AGAP1: variants seen among roughly 807,000 people sequenced by gnomAD.
AGAP1 encodes arf-GAP with GTPase, ANK repeat and PH domain-containing protein 1.
AGAP1 carries 29 observed loss-of-function variants against 105.3 expected under a neutral mutation model. The ratio of observed to expected loss-of-function variants is 0.28; its 90% CI spans 0.21 to 0.38. The LOEUF (loss-of-function observed/expected upper bound fraction) is 0.38. Among genes scored for constraint, AGAP1 ranks in the 10% least tolerant of loss-of-function variants. AGAP1 has a pLI of 1.00. For synonymous variants in AGAP1, 509 were observed against 485.9 expected (o/e 1.05, Z -0.63); for missense variants, 998 against 1,165.1 (o/e 0.86, Z 2.09).
intron 1 of AGAP1, among the ~76,000 whole-genome samples, chr2:235,656,547 A>G (rs1947778434): frequency 6.6e-6 from 1 of 152,130 alleles, no homozygotes; most frequent in South Asian, 2.1e-4. Flanking sequence ...TCCACCCTGC[A>G]TAACCATTTT....
rs937818944 is a variant in AGAP1, at chr2:236,001,044, A to T, written c.1645+32421A>T. Among the ~76,000 whole-genome samples the T allele has an allele frequency of 6.6e-6, 1 of 152,186 alleles. No individual in the cohort carries two copies. The highest frequency in any genetic ancestry group is 2.4e-5 in the African/African-American group (1 of 41,458). On this transcript the variant is annotated intron_variant, in intron 13 of 17. Transcript: ENST00000304032. The surrounding 1 kb of genome is among the most constrained non-coding windows in gnomAD (Gnocchi z 4.7). ...CCACTACCTCAGAATGTGGCCTCAT[A>T]TGGAACTAGGGTCATGGCAGATGTC...
intron 1 of AGAP1, among the ~76,000 whole-genome samples, chr2:235,651,198 A>G (rs1947577855): frequency 1.3e-5 from 1 of 77,006 alleles, no homozygotes; most frequent in Non-Finnish European, 2.6e-5. Context: ...AAAAAAAAAA[A>G]AAAAAAAAAA....
At chr2:236,066,780 A>C (rs2058357308) in intron 16 of AGAP1, among the ~76,000 whole-genome samples, 1 of 152,192 alleles carries the variant, frequency 6.6e-6, no homozygotes, top group South Asian at 2.1e-4. Context: ...CTATCACCCC[A>C]GGAACTTCCC....
intron 1 of AGAP1, among the ~76,000 whole-genome samples, chr2:235,668,330 T>G (rs926244016): frequency 1.3e-5 from 2 of 152,202 alleles, no homozygotes; most frequent in African/African-American, 4.8e-5. Context: ...CCCAATTCAG[T>G]TTTATGCCAC....
At chr2:235,839,797 C>G (rs376373851) in intron 9 of AGAP1, among the ~76,000 whole-genome samples, 72 of 152,132 alleles carry the variant, frequency 4.7e-4, no homozygotes, top group African/African-American at 1.7e-3. Flanking sequence ...GAGTACTTGC[C>G]TTTTCATACA....
chr2:235,878,390 C>T (rs925092132), intron 9 of AGAP1, among the ~76,000 whole-genome samples: 3 of 152,176 alleles, frequency 2.0e-5, no homozygotes, highest in Non-Finnish European at 2.9e-5. Context: ...TCCAGCCCTG[C>T]AGGGTCGCTG....
In AGAP1 at chr2:236,056,643, C is replaced by T. The variant is rs1392657581; in HGVS notation, c.2114+7362C>T. ...TTTCCAAAGGGCCCTGTCTTTCAGT[C>T]GTGTTTTGCTTATTTTGCACCAGAG... On this transcript the variant is annotated intron_variant, in intron 16 of 17. Transcript: ENST00000304032. The surrounding 1 kb of genome is among the most constrained non-coding windows in gnomAD (Gnocchi z 4.6). Among the ~76,000 whole-genome samples the T allele has an allele frequency of 3.9e-5, 6 of 152,172 alleles. No individual in the cohort carries two copies. Among genetic ancestry groups the T allele is most frequent in the Non-Finnish European group, 7.3e-5 (5 of 68,032 alleles).
At chr2:235,819,444 T>C (rs1167103700) in intron 9 of AGAP1, among the ~76,000 whole-genome samples, 2 of 152,126 alleles carry the variant, frequency 1.3e-5, no homozygotes, top group African/African-American at 4.8e-5. Flanking sequence ...TCTCAAGTGA[T>C]GCTGATGCTG....
In AGAP1 at chr2:235,621,214, G is replaced by GA. The variant is rs1298516591; in HGVS notation, c.164-87964dup. On this transcript the variant is annotated intron_variant, in intron 1 of 17. Coordinates refer to ENST00000304032, the MANE Select transcript of AGAP1 (RefSeq NM_001037131.3). This position sits in a 1 kb window ranked among gnomAD's most constrained non-coding sequence, Gnocchi z 4.1. ...TTTTTGTATTTTTAGTACAGATAGGGATTCACCGTGTTGGCCAGGGTGGTC... is the reference window on the plus strand; with the variant it reads ...TTTTTGTATTTTTAGTACAGATAGGGAATTCACCGTGTTGGCCAGGGTGGTC... Among the ~76,000 whole-genome samples the GA allele has an allele frequency of 6.6e-6, 1 of 152,132 alleles. No homozygotes were observed. The highest frequency in any genetic ancestry group is 1.5e-5 in the Non-Finnish European group (1 of 68,026).
rs543036979 is a variant in AGAP1, at chr2:235,824,817, T to C, written c.1050+17486T>C. Among the ~76,000 whole-genome samples, 106 of 152,338 alleles carry C rather than the reference T, an allele frequency of 7.0e-4. No individual in the cohort carries two copies. The highest frequency in any genetic ancestry group is 2.4e-3 in the African/African-American group (98 of 41,574). On this transcript the variant is annotated intron_variant, in intron 9 of 17. Transcript: ENST00000304032. This position sits in a 1 kb window ranked among gnomAD's most constrained non-coding sequence, Gnocchi z 5.2. The stretch of plus-strand genomic sequence containing the variant: ...TGTGTTTTTCTCAGGCATATTGTTG[T>C]TTTATGTATACCCATCAAGGTAACC...
intron 9 of AGAP1, among the ~76,000 whole-genome samples, chr2:235,819,799 G>A (rs73998948): frequency 0.014 from 2,085 of 152,014 alleles, 50 homozygotes; most frequent in African/African-American, 0.048. Context: ...CTCCTGCGTT[G>A]TGTACACAGC....
chr2:235,513,388 G>C (rs1172936847), intron 1 of AGAP1, among the ~76,000 whole-genome samples: 1 of 152,094 alleles, frequency 6.6e-6, no homozygotes, highest in Non-Finnish European at 1.5e-5. Context: ...AGTAGTGGTG[G>C]CAGGCGCCTA....
chr2:236,052,108 T>G (rs2057918702), intron 16 of AGAP1, among the ~76,000 whole-genome samples: 1 of 152,170 alleles, frequency 6.6e-6, no homozygotes, highest in African/African-American at 2.4e-5. Flanking sequence ...GAAGGTTCTT[T>G]TAATGTGGCC....
At chr2:235,637,097 A>C (rs1947028746) in intron 1 of AGAP1, among the ~76,000 whole-genome samples, 1 of 152,110 alleles carries the variant, frequency 6.6e-6, no homozygotes, top group African/African-American at 2.4e-5. Flanking sequence ...AGATTGTGGC[A>C]CTTTGTTAGA....
rs1490260731 is a variant in AGAP1 at position 236,125,714 on chromosome 2, C to T, written c.*1592C>T. The T allele has an allele frequency of 6.6e-6, 1 of 152,212 alleles. No homozygotes were observed. Among genetic ancestry groups the T allele is most frequent in the Non-Finnish European group, 1.5e-5 (1 of 68,052 alleles). The allele number at this position is 152,212 out of a possible 1,614,324, so 9.4% of individuals were successfully genotyped here. ...ACGACCTTGACCTGGCAGCCCGGCC[C>T]TCCACGCTAGTACCTCGCCTGATTT... On this transcript the variant is annotated 3_prime_UTR_variant, in exon 18 of 18. Coordinates refer to ENST00000304032, the MANE Select transcript of AGAP1 (RefSeq NM_001037131.3). The surrounding 1 kb of genome is among the most constrained non-coding windows in gnomAD (Gnocchi z 5.2).
chr2:235,546,739 G>A (rs1281891611), intron 1 of AGAP1, among the ~76,000 whole-genome samples: 1 of 152,160 alleles, frequency 6.6e-6, no homozygotes, highest in East Asian at 1.9e-4. Context: ...CTCAGGGTGG[G>A]TCAGAACAAG....
chr2:235,991,870 T>C (rs1487898050), intron 13 of AGAP1, among the ~76,000 whole-genome samples: 5 of 152,262 alleles, frequency 3.3e-5, no homozygotes, highest in African/African-American at 1.2e-4. Context: ...TGATTTTCTC[T>C]TGTAATGTCT....
chr2:236,077,957 T>C (rs548740715), intron 16 of AGAP1, among the ~76,000 whole-genome samples: 1 of 152,186 alleles, frequency 6.6e-6, no homozygotes, highest in East Asian at 1.9e-4. Context: ...CTCACAGCGA[T>C]AGGGCTCTGC....
rs1459393527 is a variant in AGAP1, at chr2:235,705,486, C to T, written c.164-3693C>T. ...GCCTGGACCCTGCCCCACCCTTCCT[C>T]GACCCCACCTACTGAGTGATGAACA... On this transcript the variant is annotated intron_variant, in intron 1 of 17. Coordinates refer to ENST00000304032, the MANE Select transcript of AGAP1 (RefSeq NM_001037131.3). This position sits in a 1 kb window ranked among gnomAD's most constrained non-coding sequence, Gnocchi z 4.9. Among the ~76,000 whole-genome samples, 4 of 152,222 alleles carry T rather than the reference C, an allele frequency of 2.6e-5. No individual in the cohort carries two copies. The highest frequency in any genetic ancestry group is 7.2e-5 in the African/African-American group (3 of 41,458).
Sources: allele counts gnomAD v4.1 joint callset (sites outside exome capture counted in the v4.1 genomes callset), GRCh38; gene constraint gnomAD v4.1.1; non-coding constraint Gnocchi (gnomAD v3.1); transcripts MANE v1.5; gene names NCBI Gene and HGNC (gene_info 2026-07-23, HGNC 2026-07-21).